Variants in HIP1 observed in about 807,000 individuals in gnomAD.
HIP1 encodes the protein huntingtin-interacting protein 1.
HIP1 carries 65 observed loss-of-function variants against 147.6 expected under a neutral mutation model. That is an observed-to-expected ratio of 0.44 (90% confidence interval 0.36 to 0.54). The LOEUF (loss-of-function observed/expected upper bound fraction) is 0.54, where lower values mean the gene tolerates loss of function less well. Among genes scored for constraint, HIP1 ranks in the 20% least tolerant of loss-of-function variants. The pLI, the probability that HIP1 is intolerant of heterozygous loss-of-function variation, is 0.00. For synonymous variants in HIP1, 479 were observed against 504.0 expected (o/e 0.95, Z 0.67); for missense variants, 1,061 against 1,299.6 (o/e 0.82, Z 2.82).
chr7:75,624,259 G>A (rs587617151), intron 1 of HIP1, among the ~76,000 whole-genome samples: 1 of 152,290 alleles, frequency 6.6e-6, no homozygotes, highest in African/African-American at 2.4e-5. Context: ...AAGCTGGGGA[G>A]GATTTGCTAA....
chr7:75,635,376 A>G (rs1798386616), intron 1 of HIP1, among the ~76,000 whole-genome samples: 1 of 152,110 alleles, frequency 6.6e-6, no homozygotes, highest in African/African-American at 2.4e-5. Context: ...GAGGGAAATC[A>G]AGAGTCACCT....
At chr7:75,616,738 T>C (rs1426010556) in intron 1 of HIP1, among the ~76,000 whole-genome samples, 1 of 152,176 alleles carries the variant, frequency 6.6e-6, no homozygotes, top group Non-Finnish European at 1.5e-5. Flanking sequence ...GGGCAGCCTA[T>C]GAGGGTGGAT....
In HIP1 at chr7:75,599,242, G is replaced by A. The variant is rs1554502541; in HGVS notation, c.126C>T (p.Val42=). The A allele has an allele frequency of 3.1e-6, 5 of 1,610,910 alleles. No individual in the cohort carries two copies. Among genetic ancestry groups the A allele is most frequent in the East Asian group, 4.5e-5 (2 of 44,858 alleles). Residue 42 remains valine (V), a synonymous_variant, in exon 2 of 31, where the codon GTC becomes GTT. Coordinates refer to ENST00000336926, the MANE Select transcript of HIP1 (RefSeq NM_005338.7). ...ERESFERTQT[V]SINKAINTQE... ...GCGTATTAATGGCCTTATTGATGCTGACAGTCTGAAAAACAAGAAGGGGGG... is the reference window on the plus strand; with the variant it reads ...GCGTATTAATGGCCTTATTGATGCTAACAGTCTGAAAAACAAGAAGGGGGG...
rs541780266 is a variant in HIP1, at chr7:75,658,104, A to AT, written c.121-58858dup. 2.0e-5 allele frequency among the ~76,000 whole-genome samples: 3 copies of AT among 151,766 alleles called. No individual in the cohort carries two copies. The East Asian group carries it at 5.8e-4, about 29-fold the overall frequency. On this transcript the variant is annotated intron_variant, in intron 1 of 30. Coordinates refer to ENST00000336926, the MANE Select transcript of HIP1 (RefSeq NM_005338.7). The stretch of plus-strand genomic sequence containing the variant: ...GCTGGCTTACCAATCTCTTCCTCAT[A>AT]TTTTTTTTAGACAGAATCTTGCTCT...
intron 1 of HIP1, among the ~76,000 whole-genome samples, chr7:75,634,610 G>T (rs1798358837): frequency 6.6e-6 from 1 of 152,068 alleles, no homozygotes; most frequent in African/African-American, 2.4e-5. Flanking sequence ...TCATGGGGTT[G>T]CAGTGAGAAC....
intron 16 of HIP1, among the ~76,000 whole-genome samples, chr7:75,557,028 T>TTA (rs1554493532): frequency 6.6e-6 from 1 of 150,494 alleles, no homozygotes; most frequent in Admixed American, 6.6e-5. Context: ...TATTATTTAT[T>TTA]TATTTATTTA....
At chr7:75,592,318 C>A in intron 3 of HIP1, 54 bp downstream of exon 3, 1 of 1,568,962 alleles carries the variant, frequency 6.4e-7, no homozygotes, top group Non-Finnish European at 8.6e-7. Flanking sequence ...CAGGCAGTCA[C>A]TTTCCCCACA....
rs540435675 is a variant in HIP1 at position 75,723,900 on chromosome 7, T to A, written c.120+14901A>T. Reference sequence around the variant, plus strand: ...AAGTAGCGGGGACTATAGGTGTGTGTCAGTGCGCCCGGCTAATTTTTTTAT... The same window carrying A: ...AAGTAGCGGGGACTATAGGTGTGTGACAGTGCGCCCGGCTAATTTTTTTAT... On this transcript the variant is annotated intron_variant, in intron 1 of 30. Transcript: ENST00000336926. Among the ~76,000 whole-genome samples, 44 of 152,010 alleles carry A rather than the reference T, an allele frequency of 2.9e-4. No homozygotes were observed. In the South Asian group the frequency reaches 3.3e-3, roughly 12 times the overall value.
intron 1 of HIP1, among the ~76,000 whole-genome samples, chr7:75,662,567 G>T (rs1243783053): frequency 6.6e-6 from 1 of 152,056 alleles, no homozygotes; most frequent in African/African-American, 2.4e-5. Context: ...GTGCAGTTGC[G>T]TGATCTCAGC....
At chr7:75,586,524 T>C (rs1796286978) in intron 5 of HIP1, among the ~76,000 whole-genome samples, 2 of 151,958 alleles carry the variant, frequency 1.3e-5, no homozygotes, top group South Asian at 4.1e-4. Flanking sequence ...AGCTGCAAAA[T>C]GGGGAACAAA....
chr7:75,561,681 C>T (rs111848402), intron 12 of HIP1, among the ~76,000 whole-genome samples: 2 of 152,038 alleles, frequency 1.3e-5, no homozygotes, highest in African/African-American at 2.4e-5. Context: ...CTGGCTTTGT[C>T]GCCCAGGCTG....
intron 1 of HIP1, chr7:75,612,012 T>C (rs587701048): frequency 3.5e-5 from 10 of 285,580 alleles, no homozygotes; most frequent in Non-Finnish European, 5.2e-5. Context: ...GTGGGCCCAG[T>C]TGGACACTGT....
intron 8 of HIP1, among the ~76,000 whole-genome samples, chr7:75,572,693 T>G (rs1795689320): frequency 6.6e-6 from 1 of 152,192 alleles, no homozygotes; most frequent in Non-Finnish European, 1.5e-5. Flanking sequence ...AAGTTGTGAC[T>G]GCAGATCTGA....
chr7:75,734,245 CAAATAAATAAATAAAT>C (rs57376870), intron 1 of HIP1, among the ~76,000 whole-genome samples: 14,103 of 140,204 alleles, frequency 0.1, 852 homozygotes, highest in Middle Eastern at 0.16. Context: ...GACTCTGTCT[CAAATAAATAAATAAAT>C]AAATAAATAA....
chr7:75,692,890 C>T (rs1800509020), intron 1 of HIP1, among the ~76,000 whole-genome samples: 1 of 151,954 alleles, frequency 6.6e-6, no homozygotes, highest in African/African-American at 2.4e-5. Flanking sequence ...TGCAGCCGGG[C>T]ATGGTGTCTT....
chr7:75,735,207 A>C (rs1363624258), intron 1 of HIP1, among the ~76,000 whole-genome samples: 1 of 152,204 alleles, frequency 6.6e-6, no homozygotes, highest in African/African-American at 2.4e-5. Flanking sequence ...GCCCATGTAC[A>C]TGCCCAGCTG....
intron 1 of HIP1, among the ~76,000 whole-genome samples, chr7:75,627,902 G>A (rs1554508235): frequency 6.6e-6 from 1 of 152,180 alleles, no homozygotes; most frequent in African/African-American, 2.4e-5. Flanking sequence ...ACAACTCTCA[G>A]CAATGAGCCA....
intron 1 of HIP1, among the ~76,000 whole-genome samples, chr7:75,702,491 G>A (rs1800868626): frequency 1.3e-5 from 2 of 152,224 alleles, no homozygotes; most frequent in African/African-American, 4.8e-5. Context: ...TGATCCACCT[G>A]CCTTGGCCTC....
chr7:75,656,761 G>A (rs1799155219), intron 1 of HIP1, among the ~76,000 whole-genome samples: 1 of 152,252 alleles, frequency 6.6e-6, no homozygotes, highest in Non-Finnish European at 1.5e-5. Flanking sequence ...ACAGGCGTGA[G>A]CCACTGCGCC....
Sources: allele counts gnomAD v4.1 joint callset (sites outside exome capture counted in the v4.1 genomes callset), GRCh38; gene constraint gnomAD v4.1.1; transcripts MANE v1.5; gene names NCBI Gene and HGNC (gene_info 2026-07-23, HGNC 2026-07-21).